PPARGC1A: variants seen among roughly 807,000 people sequenced by gnomAD.
The protein encoded by PPARGC1A is peroxisome proliferator-activated receptor gamma coactivator 1-alpha.
A neutral mutation model predicts 88.7 loss-of-function variants in PPARGC1A; 25 were observed. The ratio of observed to expected loss-of-function variants is 0.28; its 90% CI spans 0.21 to 0.39. The LOEUF (loss-of-function observed/expected upper bound fraction) is 0.39, where lower values mean the gene tolerates loss of function less well. Ranked by LOEUF, PPARGC1A falls within the 10% of genes least tolerant of loss-of-function variation. PPARGC1A has a pLI of 1.00. For synonymous variants in PPARGC1A, 363 were observed against 355.6 expected (o/e 1.02, Z -0.24); for missense variants, 880 against 968.7 (o/e 0.91, Z 1.22).
the PPARGC1A span, among the ~76,000 whole-genome samples, chr4:24,049,595 T>G: frequency 6.6e-6 from 1 of 152,076 alleles, no homozygotes; most frequent in African/African-American, 2.4e-5. Flanking sequence ...CTTTACTTCC[T>G]GGGCCTTTGT....
At chr4:24,390,681 A>G in the PPARGC1A span, among the ~76,000 whole-genome samples, 1 of 151,944 alleles carries the variant, frequency 6.6e-6, no homozygotes, top group East Asian at 1.9e-4. Context: ...TTTCATTTTT[A>G]TATTCAATAT....
the PPARGC1A span, among the ~76,000 whole-genome samples, chr4:24,359,389 C>G: frequency 6.6e-6 from 1 of 152,132 alleles, no homozygotes; most frequent in African/African-American, 2.4e-5. Context: ...CCATTTATAC[C>G]TTTATCCCGG....
the PPARGC1A span, among the ~76,000 whole-genome samples, chr4:24,370,546 A>G: frequency 6.6e-6 from 1 of 152,116 alleles, no homozygotes; most frequent in Admixed American, 6.6e-5. Context: ...CCCTTAAGCT[A>G]TAACAATTTG....
chr4:24,252,105 A>G, the PPARGC1A span, among the ~76,000 whole-genome samples: 4 of 152,172 alleles, frequency 2.6e-5, no homozygotes, highest in East Asian at 5.8e-4. Flanking sequence ...ATTTCCCTGA[A>G]TTTGAAAAAG....
At chr4:24,224,187 C>T in the PPARGC1A span, among the ~76,000 whole-genome samples, 1 of 152,168 alleles carries the variant, frequency 6.6e-6, no homozygotes, top group Admixed American at 6.5e-5. Flanking sequence ...CTAACCAAAT[C>T]CCTCAGATAG....
At chr4:23,843,841 C>A (rs1217426187) in intron 2 of PPARGC1A, among the ~76,000 whole-genome samples, 2 of 151,954 alleles carry the variant, frequency 1.3e-5, no homozygotes, top group Non-Finnish European at 2.9e-5. Context: ...CACCTTTAAT[C>A]CATACTCAGC....
chr4:24,236,743 T>G, the PPARGC1A span, among the ~76,000 whole-genome samples: 2 of 152,326 alleles, frequency 1.3e-5, no homozygotes, highest in East Asian at 3.9e-4. Flanking sequence ...TGACACCTAG[T>G]GTTTTTGAAA....
rs1314963270 is a variant in PPARGC1A, at chr4:23,803,232, G to T, written c.2020-887C>A. ...TGTACTAAAAAAAAATGTAAGATAA[G>T]GTTCTACAACCTTCATTTTTAACAA... is the stretch of plus-strand genomic sequence containing the variant. On this transcript the variant is annotated intron_variant, in intron 10 of 12. Transcript: ENST00000264867. Among the ~76,000 whole-genome samples the T allele has an allele frequency of 2.6e-5, 4 of 152,002 alleles. No homozygotes were observed. The East Asian group carries it at 5.8e-4, about 22-fold the overall frequency.
the PPARGC1A span, among the ~76,000 whole-genome samples, chr4:23,911,047 C>A: frequency 1.3e-5 from 2 of 151,908 alleles, no homozygotes; most frequent in African/African-American, 4.8e-5. Flanking sequence ...TTGAGTAAGA[C>A]CTGGATCCTG....
the PPARGC1A span, among the ~76,000 whole-genome samples, chr4:24,130,245 C>T: frequency 6.6e-6 from 1 of 152,170 alleles, no homozygotes; most frequent in Non-Finnish European, 1.5e-5. Context: ...ATGCTCACAA[C>T]AGCCACTGAG....
the PPARGC1A span, among the ~76,000 whole-genome samples, chr4:24,435,102 T>C: frequency 1.3e-5 from 2 of 152,218 alleles, no homozygotes; most frequent in East Asian, 3.9e-4. Context: ...TTTTCCTCTT[T>C]CTTCACGCTG....
chr4:23,922,553 G>A, the PPARGC1A span, among the ~76,000 whole-genome samples: 1 of 152,198 alleles, frequency 6.6e-6, no homozygotes, highest in African/African-American at 2.4e-5. Context: ...AACAAAAAGA[G>A]TAAGAGCAGT....
At chr4:24,002,093 C>CAGAGAGAGAG in the PPARGC1A span, among the ~76,000 whole-genome samples, 9 of 135,770 alleles carry the variant, frequency 6.6e-5, no homozygotes, top group South Asian at 5.1e-4. Flanking sequence ...CACACACACA[C>CAGAGAGAGAG]ACACAGAGAG....
chr4:24,224,477 C>T, the PPARGC1A span, among the ~76,000 whole-genome samples: 3 of 152,176 alleles, frequency 2.0e-5, no homozygotes, highest in East Asian at 1.9e-4. Flanking sequence ...AATGACCTAG[C>T]GATGCCTAAA....
the PPARGC1A span, among the ~76,000 whole-genome samples, chr4:24,056,065 G>A: frequency 1.3e-5 from 2 of 152,212 alleles, no homozygotes; most frequent in Admixed American, 6.5e-5. Context: ...ATTTTTAGAT[G>A]AGAAAACTGA....
At chr4:24,040,063 C>G in the PPARGC1A span, among the ~76,000 whole-genome samples, 1 of 152,192 alleles carries the variant, frequency 6.6e-6, no homozygotes, top group Non-Finnish European at 1.5e-5. Context: ...GTATGCTTCT[C>G]CAGTTTGAAC....
the PPARGC1A span, among the ~76,000 whole-genome samples, chr4:24,254,712 T>C: frequency 7.2e-5 from 11 of 152,234 alleles, no homozygotes. Context: ...CTGATGCTTT[T>C]CAACATCAGC....
chr4:23,937,627 C>T, the PPARGC1A span, among the ~76,000 whole-genome samples: 1 of 152,086 alleles, frequency 6.6e-6, no homozygotes, highest in Non-Finnish European at 1.5e-5. Context: ...TTCTGCCTAT[C>T]CTCAACAGGT....
intron 1 of PPARGC1A, among the ~76,000 whole-genome samples, chr4:23,895,980 G>GTGTA (rs1270472245): frequency 1.0e-4 from 2 of 19,868 alleles, no homozygotes; most frequent in Non-Finnish European, 2.7e-4. Flanking sequence ...GTGTGTGTGT[G>GTGTA]TATATATATA....
Sources: allele counts gnomAD v4.1 joint callset (sites outside exome capture counted in the v4.1 genomes callset), GRCh38; gene constraint gnomAD v4.1.1; transcripts MANE v1.5; gene names NCBI Gene and HGNC (gene_info 2026-07-23, HGNC 2026-07-21).